The following RCN2 variants were observed in gnomAD, a reference collection of about 807,000 sequenced individuals.
RCN2 encodes reticulocalbin-2.
RCN2 carries 23 observed loss-of-function variants against 37.5 expected under a neutral mutation model. The observed-to-expected ratio is 0.61, with a 90% CI of 0.44 to 0.87. The LOEUF is 0.87. Ranked by LOEUF, RCN2 falls within the 40% of genes least tolerant of loss-of-function variation. The pLI is 0.00. For synonymous variants in RCN2, 140 were observed against 144.6 expected (o/e 0.97, Z 0.23); for missense variants, 381 against 390.4 (o/e 0.98, Z 0.20).
intron 3 of RCN2, 141 bp downstream of exon 3, chr15:76,935,863 C>G (rs576485582): frequency 1.7e-6 from 1 of 573,776 alleles, no homozygotes; most frequent in Non-Finnish European, 3.0e-6. Context: ...CTTCAGCAGT[C>G]ATTTTGATGG....
In RCN2 at chr15:76,954,041, T is replaced by G. The variant is rs955634876; in HGVS notation, c.*4819T>G. The stretch of plus-strand genomic sequence containing the variant: ...CTTACCAACACTTGCTATTTTCTGT[T>G]TTTTTTTTTTTCTTTTTTTTTTTTA... On this transcript the variant is annotated 3_prime_UTR_variant, in exon 7 of 7. Coordinates refer to ENST00000394885, the MANE Select transcript of RCN2 (RefSeq NM_002902.3). 8.0e-5 allele frequency: 4 copies of G among 50,192 alleles called. No homozygotes were observed. The South Asian group carries it at 1.7e-3, about 21-fold the overall frequency. 3.1% of individuals were successfully genotyped at this position (50,192 alleles called of 1,614,324 possible).
In RCN2 at chr15:76,950,181, A is replaced by G. The variant is rs904263766; in HGVS notation, c.*959A>G. On this transcript the variant is annotated 3_prime_UTR_variant, in exon 7 of 7. Coordinates refer to ENST00000394885, the MANE Select transcript of RCN2 (RefSeq NM_002902.3). ...ATAATCTTGAGTAACGCAGGTTGGA[A>G]TTACCAATAGAGCTGGTCAGTTATC... 5 of 152,110 alleles carry G rather than the reference A, an allele frequency of 3.3e-5. No individual in the cohort carries two copies. Among genetic ancestry groups the G allele is most frequent in the Non-Finnish European group, 5.9e-5 (4 of 68,036 alleles). The allele number at this position is 152,110 out of a possible 1,614,324, so 9.4% of individuals were successfully genotyped here. A position where few individuals can be genotyped will look rare whatever the true frequency, so the allele number is the denominator to read the frequency against.
At chr15:76,932,822 T>C (rs1242740745) in intron 2 of RCN2, among the ~76,000 whole-genome samples, 1 of 152,232 alleles carries the variant, frequency 6.6e-6, no homozygotes, top group Non-Finnish European at 1.5e-5. Context: ...TTTTGATATA[T>C]GCTTCATTTA....
intron 2 of RCN2, among the ~76,000 whole-genome samples, chr15:76,933,129 G>T (rs1228060186): frequency 6.6e-6 from 1 of 152,124 alleles, no homozygotes; most frequent in Non-Finnish European, 1.5e-5. Flanking sequence ...GAAATGAAAT[G>T]CACAGACTAT....
chr15:76,943,587 G>A (rs2075283782), intron 3 of RCN2, 171 bp from the exon 4 acceptor site: 1 of 482,362 alleles, frequency 2.1e-6, no homozygotes, highest in Non-Finnish European at 3.8e-6. Context: ...TCTAGAGCTT[G>A]TGAGTCTATC....
Position 76,948,421 on chromosome 15 carries a change from G to A in RCN2, c.670G>A (p.Asp224Asn). Residue 224 changes from aspartate to asparagine, a missense_variant, in exon 6 of 7, where the codon GAT becomes AAT. By Grantham distance (23) the Asp-to-Asn change is conservative. Transcript: ENST00000394885. ...TTTTTTATATTAAGCTGCAAATGAA[G>A]ATCCAGAATGGATACTTGTTGAGAA... ...DYRWDPTANE[D>N]PEWILVEKDR... 1.3e-6 allele frequency: 2 copies of A among 1,593,714 alleles called. No individual in the cohort carries two copies. Among genetic ancestry groups the A allele is most frequent in the Non-Finnish European group, 1.7e-6 (2 of 1,168,148 alleles).
chr15:76,941,507 T>A (rs1174596245), intron 3 of RCN2: 1 of 438,630 alleles, frequency 2.3e-6, no homozygotes, highest in Non-Finnish European at 4.0e-6. Context: ...AATAAATGAT[T>A]ATGGTAGCTT....
At chr15:76,933,707 G>A (rs1053745148) in intron 2 of RCN2, among the ~76,000 whole-genome samples, 1 of 152,226 alleles carries the variant, frequency 6.6e-6, no homozygotes, top group Non-Finnish European at 1.5e-5. Flanking sequence ...CCACATTTCT[G>A]ATCCCTGTTC....
rs1205775514 is a variant in RCN2, at chr15:76,950,771, A to C, written c.*1549A>C. On this transcript the variant is annotated 3_prime_UTR_variant, in exon 7 of 7. Transcript: ENST00000394885. ...TTCTCTTAATCACTTTCCAGCCTAA[A>C]GTTGTCTCATATACAGCACACTGGG... The C allele has an allele frequency of 1.3e-5, 2 of 152,116 alleles. No homozygotes were observed. The highest frequency in any genetic ancestry group is 4.8e-5 in the African/African-American group (2 of 41,418). The allele number at this position is 152,116 out of a possible 1,614,324, so 9.4% of individuals were successfully genotyped here.
In RCN2 at chr15:76,943,494, G is replaced by A. The variant is rs1227773599; in HGVS notation, c.448-264G>A. Reference sequence around the variant, plus strand: ...TTTTTATCCCAGTTTGATAGATGAGGAAACCAGAGAGGTTAAGCAGTTTGC... The same window carrying A: ...TTTTTATCCCAGTTTGATAGATGAGAAAACCAGAGAGGTTAAGCAGTTTGC... On this transcript the variant is annotated intron_variant, in intron 3 of 6. Coordinates refer to ENST00000394885, the MANE Select transcript of RCN2 (RefSeq NM_002902.3). 1.4e-5 allele frequency: 4 copies of A among 292,448 alleles called. No homozygotes were observed. In the South Asian group the frequency reaches 4.8e-4, roughly 35 times the overall value. The allele number at this position is 292,448 out of a possible 1,614,324, so 18.1% of individuals were successfully genotyped here. A position where few individuals can be genotyped will look rare whatever the true frequency, so the allele number is the denominator to read the frequency against.
At chr15:76,944,508 C>T (rs780520052) in intron 4 of RCN2, among the ~76,000 whole-genome samples, 1 of 152,052 alleles carries the variant, frequency 6.6e-6, no homozygotes, top group South Asian at 2.1e-4. Context: ...TAACTGTTCT[C>T]AGCGCCCCCT....
In RCN2 at chr15:76,951,845, G is replaced by GA. The variant is rs2075322084; in HGVS notation, c.*2627dup. On this transcript the variant is annotated 3_prime_UTR_variant, in exon 7 of 7. Transcript: ENST00000394885. ...TGAGTTCAGGTACAACTTCAAAGGG[G>GA]AAAATTGAATGGGATGTGCACATGT... The GA allele has an allele frequency of 6.6e-6, 1 of 152,116 alleles. No homozygotes were observed. Among genetic ancestry groups the GA allele is most frequent in the South Asian group, 2.1e-4 (1 of 4,828 alleles). The allele number at this position is 152,116 out of a possible 1,614,324, so 9.4% of individuals were successfully genotyped here.
chr15:76,944,295 C>T (rs149347471), intron 4 of RCN2, among the ~76,000 whole-genome samples: 26 of 152,106 alleles, frequency 1.7e-4, no homozygotes, highest in African/African-American at 6.3e-4. Flanking sequence ...TGTTTTGATA[C>T]AGGCATGCAA....
chr15:76,931,860 A>G lies in RCN2; in HGVS notation c.19A>G (p.Thr7Ala). MRLGPR[T>A]AALGLLLLCA... ...CGGCGCGATGCGGCTGGGCCCGAGG[A>G]CCGCGGCGTTGGGGCTGCTGCTGCT... Residue 7 changes from threonine (T) to alanine (A), a missense_variant, in exon 1 of 7, where the codon ACC becomes GCC. Transcript: ENST00000394885. 1 of 1,275,206 alleles carries G rather than the reference A, an allele frequency of 7.8e-7. No homozygotes were observed. The highest frequency in any genetic ancestry group is 9.9e-7 in the Non-Finnish European group (1 of 1,013,138). The allele number at this position is 1,275,206 out of a possible 1,614,324, so 79.0% of individuals were successfully genotyped here.
intron 3 of RCN2, chr15:76,941,609 C>G: frequency 7.4e-7 from 1 of 1,344,504 alleles, no homozygotes; most frequent in Non-Finnish European, 1.0e-6. Context: ...TTTTATGAAA[C>G]TGACCATCTT....
At chr15:76,944,224 G>T (rs556971999) in intron 4 of RCN2, among the ~76,000 whole-genome samples, 1 of 151,834 alleles carries the variant, frequency 6.6e-6, no homozygotes, top group South Asian at 2.1e-4. Context: ...CTCGTGATCC[G>T]CCCGCCTCGG....
At chr15:76,932,209 A>G in intron 1 of RCN2, 152 bp from the exon 2 acceptor site, 1 of 719,862 alleles carries the variant, frequency 1.4e-6, no homozygotes, top group Admixed American at 2.5e-5. Context: ...CAGATCATGG[A>G]GGGTGTGTAG....
chr15:76,948,602 G>A, intron 6 of RCN2, 50 bp downstream of exon 6: 1 of 1,461,568 alleles, frequency 6.8e-7, no homozygotes, highest in South Asian at 1.5e-5. Context: ...CCCCGAATTT[G>A]GTGCTGTTGA....
intron 3 of RCN2, chr15:76,943,417 A>G (rs2075283329): frequency 5.6e-6 from 1 of 178,962 alleles, no homozygotes; most frequent in African/African-American, 2.4e-5. Flanking sequence ...CTAAATACTT[A>G]AGGTTTATTA....
Sources: allele counts gnomAD v4.1 joint callset (sites outside exome capture counted in the v4.1 genomes callset), GRCh38; gene constraint gnomAD v4.1.1; transcripts MANE v1.5; gene names NCBI Gene and HGNC (gene_info 2026-07-23, HGNC 2026-07-21).